Variants in BOD1 observed in about 807,000 individuals in gnomAD.
BOD1 encodes biorientation of chromosomes in cell division protein 1.
In BOD1, 11 loss-of-function variants were observed where a neutral mutation model predicts 15.7. The observed-to-expected ratio is 0.70, with a 90% CI of 0.44 to 1.16. The LOEUF (loss-of-function observed/expected upper bound fraction) is 1.16, where lower values mean the gene tolerates loss of function less well. Among genes scored for constraint, BOD1 ranks in the 50% most tolerant of loss-of-function variants. The pLI, the probability that BOD1 is intolerant of heterozygous loss-of-function variation, is 0.00. For synonymous variants in BOD1, 105 were observed against 103.5 expected, an observed-to-expected ratio of 1.01 and a Z score of -0.09; for missense variants, 182 against 244.5, an observed-to-expected ratio of 0.74 and a Z score of 1.70.
At chr5:173,613,865 C>CCT (rs1397599051) in intron 1 of BOD1, among the ~76,000 whole-genome samples, 1 of 152,196 alleles carries the variant, frequency 6.6e-6, no homozygotes, top group Non-Finnish European at 1.5e-5. Context: ...GTGCTATCTG[C>CCT]CTAGTAACGC....
chr5:173,616,543 CA>C lies in BOD1; in HGVS notation c.-108del. The C allele has an allele frequency of 7.1e-7, 1 of 1,407,012 alleles. No individual in the cohort carries two copies. Among genetic ancestry groups the C allele is most frequent in the South Asian group, 1.5e-5 (1 of 67,016 alleles). 87.2% of individuals were successfully genotyped at this position (1,407,012 alleles called of 1,614,324 possible). A position where few individuals can be genotyped will look rare whatever the true frequency, so the allele number is the denominator to read the frequency against. On this transcript the variant is annotated 5_prime_UTR_variant, in exon 1 of 4. Coordinates refer to ENST00000311086, the MANE Select transcript of BOD1 (RefSeq NM_138369.3). ...AGGGGGCGGTGAAGGAGGAGGGCCC[CA>C]AGGCGGCAGCGGCGGAGGTGGCGAT...
At position 173,616,272 on chromosome 5, in the gene BOD1, G is replaced by A; in HGVS notation, c.165C>T (p.Ile55=). ...PPGDPQLIAL[I]VEQLKSRGLF... ...GGCCCCGGCTCTTGAGCTGCTCCAC[G>A]ATGAGAGCGATGAGCTGCGGGTCGC... Residue 55 remains isoleucine (I), a synonymous_variant, in exon 1 of 4, where the codon ATC becomes ATT. Transcript: ENST00000311086. 6.4e-7 allele frequency: 1 copy of A among 1,556,818 alleles called. No homozygotes were observed. The highest frequency in any genetic ancestry group is 8.7e-7 in the Non-Finnish European group (1 of 1,152,670).
chr5:173,616,413 CCCGCCG>C lies in BOD1; in HGVS notation c.18_23del (p.Gly8_Gly9del), dbSNP rs749631448. 2.6e-6 allele frequency: 4 copies of C among 1,538,440 alleles called. No homozygotes were observed. The highest frequency in any genetic ancestry group is 3.5e-6 in the Non-Finnish European group (4 of 1,153,280). The stretch of plus-strand genomic sequence containing the variant: ...CGCCGCCGCCCACCGCGCCAGTTCC[CCCGCCG>C]CCGCCGCCGTCCGCCATGGCTGCGC... On this transcript the variant is annotated inframe_deletion, in exon 1 of 4. Coordinates refer to ENST00000311086, the MANE Select transcript of BOD1 (RefSeq NM_138369.3).
Position 173,613,263 on chromosome 5 carries a change from G to C in BOD1, c.238-8C>G. ...CAGGTTTTGGTAAGCTGGCTAAAAT[G>C]TTAAAAAGAGGAGGCAAGGTCAGAA... is the stretch of plus-strand genomic sequence containing the variant. On this transcript the variant is annotated splice_region_variant and splice_polypyrimidine_tract_variant and intron_variant, in intron 1 of 3. Coordinates refer to ENST00000311086, the MANE Select transcript of BOD1 (RefSeq NM_138369.3). The C allele has an allele frequency of 6.2e-7, 1 of 1,613,556 alleles. No homozygotes were observed. The highest frequency in any genetic ancestry group is 8.5e-7 in the Non-Finnish European group (1 of 1,179,560).
chr5:173,616,268 C>T lies in BOD1; in HGVS notation c.169G>A (p.Glu57Lys). 2 of 1,562,014 alleles carry T rather than the reference C, an allele frequency of 1.3e-6. No individual in the cohort carries two copies. Among genetic ancestry groups the T allele is most frequent in the Non-Finnish European group, 1.7e-6 (2 of 1,155,048 alleles). The change falls in exon 1 of 4, where the codon GAG (glutamate) becomes AAG (lysine). Residue 57 changes from glutamate (E) to lysine (K), a missense_variant. Around this residue, in one of 3 missense-constraint regions of BOD1, gnomAD observed 70 missense variants for 130.3 expected, o/e 0.54. Coordinates refer to ENST00000311086, the MANE Select transcript of BOD1 (RefSeq NM_138369.3). Reference sequence around the variant, plus strand: ...AAAAGGCCCCGGCTCTTGAGCTGCTCCACGATGAGAGCGATGAGCTGCGGG... The same window carrying T: ...AAAAGGCCCCGGCTCTTGAGCTGCTTCACGATGAGAGCGATGAGCTGCGGG... ...GDPQLIALIV[E>K]QLKSRGLFDS... is the part of the protein sequence containing the mutation.
chr5:173,608,153 T>C lies in BOD1; in HGVS notation c.*141A>G. On this transcript the variant is annotated 3_prime_UTR_variant, in exon 4 of 4. Coordinates refer to ENST00000311086, the MANE Select transcript of BOD1 (RefSeq NM_138369.3). ...ACTGCCGAACTTGCTCCCCTTTCAA[T>C]CTGGTCACTGCCCATGGTCAAGGTT... The C allele has an allele frequency of 9.7e-7, 1 of 1,033,822 alleles. No individual in the cohort carries two copies. Among genetic ancestry groups the C allele is most frequent in the Non-Finnish European group, 1.5e-6 (1 of 662,980 alleles). The allele number at this position is 1,033,822 out of a possible 1,614,324, so 64.0% of individuals were successfully genotyped here.
chr5:173,615,476 A>T (rs956692984), intron 1 of BOD1, among the ~76,000 whole-genome samples: 4 of 152,226 alleles, frequency 2.6e-5, no homozygotes, highest in African/African-American at 9.6e-5. Flanking sequence ...CCTAACCTAC[A>T]ACCACAGTCG....
chr5:173,612,677 T>C (rs575829975), intron 2 of BOD1, among the ~76,000 whole-genome samples: 1 of 152,370 alleles, frequency 6.6e-6, no homozygotes, highest in Admixed American at 6.5e-5. Context: ...ATTAAGACTA[T>C]GCCTTCCTGA....
rs780349169 is a variant in BOD1, at chr5:173,616,382, TAGTTCCGCCGCCGCCCACCGCGCC to T, written c.31_54del (p.Gly11_Thr18del). The T allele has an allele frequency of 6.6e-5, 100 of 1,521,306 alleles. No individual in the cohort carries two copies. Among genetic ancestry groups the T allele is most frequent in the East Asian group, 3.6e-4 (14 of 38,592 alleles). The allele number at this position is 1,521,306 out of a possible 1,614,324, so 94.2% of individuals were successfully genotyped here. On this transcript the variant is annotated inframe_deletion, in exon 1 of 4. Coordinates refer to ENST00000311086, the MANE Select transcript of BOD1 (RefSeq NM_138369.3). ...GTCGCTGCCCCGGCAGAGGCCTGGCTAGTTCCGCCGCCGCCCACCGCGCCAGTTCCCCCGCCGCCGCCGCCGTCC... is the reference window on the plus strand; with the variant it reads ...GTCGCTGCCCCGGCAGAGGCCTGGCTAGTTCCCCCGCCGCCGCCGCCGTCC...
At chr5:173,613,380 A>G in intron 1 of BOD1, 125 bp from the exon 2 acceptor site, 6 of 1,148,682 alleles carry the variant, frequency 5.2e-6, no homozygotes, top group Non-Finnish European at 7.6e-6. Flanking sequence ...ACTGTGCATG[A>G]AGATCACCAT....
intron 2 of BOD1, among the ~76,000 whole-genome samples, chr5:173,612,423 C>A (rs1755378794): frequency 6.6e-6 from 1 of 152,210 alleles, no homozygotes; most frequent in Non-Finnish European, 1.5e-5. Flanking sequence ...ACCATACGAG[C>A]TGTTGCACGT....
In BOD1 at chr5:173,607,941, C is replaced by T. The variant is rs1014413585; in HGVS notation, c.*353G>A. The stretch of plus-strand genomic sequence containing the variant: ...CTGGCTATGTTCTCACTGTAGCTTC[C>T]GTTTATCCCACAGCACAAACCCTAA... On this transcript the variant is annotated 3_prime_UTR_variant, in exon 4 of 4. Coordinates refer to ENST00000311086, the MANE Select transcript of BOD1 (RefSeq NM_138369.3). 1.4e-5 allele frequency: 4 copies of T among 291,604 alleles called. No homozygotes were observed. Among genetic ancestry groups the T allele is most frequent in the East Asian group, 6.1e-5 (1 of 16,432 alleles). The allele number at this position is 291,604 out of a possible 1,614,324, so 18.1% of individuals were successfully genotyped here. A position where few individuals can be genotyped will look rare whatever the true frequency, so the allele number is the denominator to read the frequency against.
At chr5:173,614,246 T>G (rs1452658960) in intron 1 of BOD1, among the ~76,000 whole-genome samples, 2 of 152,148 alleles carry the variant, frequency 1.3e-5, no homozygotes, top group Admixed American at 6.5e-5. Context: ...ATTATTTTTG[T>G]CCCTTGTAAG....
In BOD1 at chr5:173,616,624, A is replaced by G; in HGVS notation, c.-188T>C. On this transcript the variant is annotated 5_prime_UTR_variant, in exon 1 of 4. Transcript: ENST00000311086. The stretch of plus-strand genomic sequence containing the variant: ...CGGCGAAGGCCCCCTCTGATACAGC[A>G]GAGGTTGTGGTGGACGCGGCAGAAA... 4 of 1,331,120 alleles carry G rather than the reference A, an allele frequency of 3.0e-6. No individual in the cohort carries two copies. The highest frequency in any genetic ancestry group is 3.8e-6 in the Non-Finnish European group (4 of 1,046,578). The allele number at this position is 1,331,120 out of a possible 1,614,324, so 82.5% of individuals were successfully genotyped here.
Position 173,613,366 on chromosome 5 carries a change from T to G in BOD1, c.238-111A>C, listed in dbSNP as rs796281808. The G allele has an allele frequency of 5.4e-5, 69 of 1,280,670 alleles. No homozygotes were observed. In the African/African-American group the frequency reaches 9.0e-4, roughly 17 times the overall value. The allele number at this position is 1,280,670 out of a possible 1,614,324, so 79.3% of individuals were successfully genotyped here. A position where few individuals can be genotyped will look rare whatever the true frequency, so the allele number is the denominator to read the frequency against. ...GAAACGTTATTAAGTCTAAATACACTTCCACTGTGCATGAAGATCACCATG... is the reference window on the plus strand; with the variant it reads ...GAAACGTTATTAAGTCTAAATACACGTCCACTGTGCATGAAGATCACCATG... On this transcript the variant is annotated intron_variant, in intron 1 of 3. Transcript: ENST00000311086.
At position 173,616,518 on chromosome 5, in the gene BOD1, AG is replaced by A; in HGVS notation, c.-83del. 2 of 1,472,966 alleles carry A rather than the reference AG, an allele frequency of 1.4e-6. No individual in the cohort carries two copies. Among genetic ancestry groups the A allele is most frequent in the East Asian group, 2.8e-5 (1 of 35,346 alleles). The allele number at this position is 1,472,966 out of a possible 1,614,324, so 91.2% of individuals were successfully genotyped here. ...GGCCTAGAACGTGTAGAGGTGGTGA[AG>A]GGGGCGGTGAAGGAGGAGGGCCCCA... On this transcript the variant is annotated 5_prime_UTR_variant, in exon 1 of 4. Coordinates refer to ENST00000311086, the MANE Select transcript of BOD1 (RefSeq NM_138369.3).
At position 173,607,958 on chromosome 5, in the gene BOD1, A is replaced by T. The variant is rs1755245360; in HGVS notation, c.*336T>A. 2.9e-6 allele frequency: 1 copy of T among 339,034 alleles called. No individual in the cohort carries two copies. Among genetic ancestry groups the T allele is most frequent in the African/African-American group, 2.1e-5 (1 of 48,210 alleles). The allele number at this position is 339,034 out of a possible 1,614,324, so 21.0% of individuals were successfully genotyped here. On this transcript the variant is annotated 3_prime_UTR_variant, in exon 4 of 4. Coordinates refer to ENST00000311086, the MANE Select transcript of BOD1 (RefSeq NM_138369.3). ...GTAGCTTCCGTTTATCCCACAGCAC[A>T]AACCCTAAAGTCCATGTGCAGTCTC...
intron 3 of BOD1, 58 bp from the exon 4 acceptor site, chr5:173,608,350 C>T: frequency 1.0e-5 from 13 of 1,270,086 alleles, no homozygotes; most frequent in African/African-American, 1.7e-5. Flanking sequence ...ACTATATTCA[C>T]TTTTATGTTC....
intron 3 of BOD1, 127 bp from the exon 4 acceptor site, chr5:173,608,419 G>T: frequency 2.8e-6 from 2 of 724,100 alleles, no homozygotes; most frequent in East Asian, 2.8e-5. Context: ...ACTCCATATT[G>T]GACTCAAGGG....
Sources: gnomAD v4.1 joint callset for allele counts (sites outside exome capture counted in the v4.1 genomes callset) on GRCh38, gnomAD v4.1.1 for gene constraint, gnomAD v4.1.1 regional missense constraint, MANE v1.5 for transcripts, NCBI Gene and HGNC (gene_info 2026-07-23, HGNC 2026-07-21) for gene names.